Variants in PDE2A observed in about 807,000 individuals in gnomAD.
PDE2A encodes the protein cGMP-dependent 3',5'-cyclic phosphodiesterase.
In PDE2A, 53 loss-of-function variants were observed where a neutral mutation model predicts 133.6. That is an observed-to-expected ratio of 0.40 (90% confidence interval 0.32 to 0.50). PDE2A has a LOEUF of 0.50. Ranked by LOEUF, PDE2A falls within the 20% of genes least tolerant of loss-of-function variation. The pLI is 0.73. For synonymous variants in PDE2A, 491 were observed against 490.2 expected, an observed-to-expected ratio of 1.00 and a Z score of -0.02; for missense variants, 796 against 1,232.4, an observed-to-expected ratio of 0.65 and a Z score of 5.30.
chr11:72,602,757 C>T (rs1270544498), intron 4 of PDE2A, among the ~76,000 whole-genome samples: 1 of 152,194 alleles, frequency 6.6e-6, no homozygotes, highest in Non-Finnish European at 1.5e-5. Context: ...GCCAATAGAC[C>T]GGGCCTCAGG....
intron 6 of PDE2A, among the ~76,000 whole-genome samples, chr11:72,591,603 C>T (rs904727125): frequency 2.4e-4 from 37 of 152,214 alleles, no homozygotes; most frequent in African/African-American, 8.9e-4. Context: ...CAATCACTGT[C>T]TCATCAAGAG....
intron 1 of PDE2A, among the ~76,000 whole-genome samples, chr11:72,665,753 C>G (rs1454230405): frequency 6.6e-6 from 1 of 152,142 alleles, no homozygotes; most frequent in African/African-American, 2.4e-5. Context: ...TCCCACGCAG[C>G]CCTTTCCCTA....
At chr11:72,602,466 C>T (rs1856798157) in intron 4 of PDE2A, among the ~76,000 whole-genome samples, 1 of 152,192 alleles carries the variant, frequency 6.6e-6, no homozygotes, top group Non-Finnish European at 1.5e-5. Context: ...CCTCCCCACA[C>T]CCCCACCTCC....
At chr11:72,608,861 T>C (rs1314382902) in intron 2 of PDE2A, 110 bp from the exon 3 acceptor site, 1 of 655,740 alleles carries the variant, frequency 1.5e-6, no homozygotes, top group Admixed American at 2.4e-5. Flanking sequence ...AGCCCGAGTC[T>C]TTCAGGCACA....
At chr11:72,584,169 A>ACCCCCCCCCCCCCCCCCCACCCCCC in intron 19 of PDE2A, 32 bp downstream of exon 19, 1 of 877,942 alleles carries the variant, frequency 1.1e-6, no homozygotes, top group Non-Finnish European at 1.8e-6. Context: ...GCCCCCTATC[A>ACCCCCCCCCCCCCCCCCCACCCCCC]CCCCACACCC....
rs1591004081 is a variant in PDE2A, at chr11:72,577,149, A to G, written c.*235T>C. 1 of 536,258 alleles carries G rather than the reference A, an allele frequency of 1.9e-6. No homozygotes were observed. Among genetic ancestry groups the G allele is most frequent in the East Asian group, 2.9e-5 (1 of 34,044 alleles). 33.2% of individuals were successfully genotyped at this position (536,258 alleles called of 1,614,324 possible). ...AGGTGCAGAGTAGGGCCCACTGCTC[A>G]TTGGTCACCCCTGTGCTCTCAGAAA... On this transcript the variant is annotated 3_prime_UTR_variant, in exon 31 of 31. Transcript: ENST00000334456.
intron 2 of PDE2A, among the ~76,000 whole-genome samples, chr11:72,640,076 C>T (rs976785792): frequency 2.0e-5 from 3 of 152,076 alleles, no homozygotes; most frequent in African/African-American, 7.2e-5. Flanking sequence ...ACCACAGGCA[C>T]ACACAGCTCA....
intron 3 of PDE2A, 63 bp downstream of exon 3, chr11:72,608,599 C>T: frequency 1.3e-6 from 1 of 795,306 alleles, no homozygotes; most frequent in East Asian, 2.8e-5. Context: ...TGAGGTACAG[C>T]ATAGAGCTGG....
chr11:72,610,412 T>C (rs1436336961), intron 2 of PDE2A, among the ~76,000 whole-genome samples: 2 of 152,188 alleles, frequency 1.3e-5, no homozygotes, highest in Non-Finnish European at 2.9e-5. Context: ...GCCAGAAAGT[T>C]CCACGCTGGG....
At chr11:72,583,217 C>A (rs1174155574) in intron 20 of PDE2A, among the ~76,000 whole-genome samples, 1 of 152,334 alleles carries the variant, frequency 6.6e-6, no homozygotes, top group African/African-American at 2.4e-5. Flanking sequence ...ACTCCCTGGG[C>A]TGGTTCCTCT....
At chr11:72,664,199 G>A (rs183932892) in intron 1 of PDE2A, among the ~76,000 whole-genome samples, 112 of 152,060 alleles carry the variant, frequency 7.4e-4, no homozygotes, top group Admixed American at 9.8e-4. Context: ...CTCTGCCAAC[G>A]CCCCTGGCCC....
chr11:72,644,189 C>T (rs1399153850), intron 1 of PDE2A, among the ~76,000 whole-genome samples: 3 of 152,222 alleles, frequency 2.0e-5, no homozygotes, highest in East Asian at 1.9e-4. Flanking sequence ...CCTTATCCCT[C>T]TGGGTAGCCC....
intron 1 of PDE2A, among the ~76,000 whole-genome samples, chr11:72,654,038 A>G (rs1854823333): frequency 6.6e-6 from 1 of 152,212 alleles, no homozygotes; most frequent in Admixed American, 6.5e-5. Context: ...AGAGAGGCAC[A>G]TTTGTCCCCA....
At chr11:72,584,779 A>G (rs771676029) in intron 17 of PDE2A, 51 bp from the exon 18 acceptor site, 13 of 1,611,056 alleles carry the variant, frequency 8.1e-6, no homozygotes, top group South Asian at 3.3e-5. Context: ...ACCCGGCCAC[A>G]GAGGGGACTG....
chr11:72,646,324 G>A (rs1005556672), intron 1 of PDE2A, among the ~76,000 whole-genome samples: 1 of 152,200 alleles, frequency 6.6e-6, no homozygotes, highest in African/African-American at 2.4e-5. Context: ...CTCATTGGTA[G>A]GGCCTTGTGC....
At chr11:72,603,446 C>T (rs1856841912) in intron 4 of PDE2A, among the ~76,000 whole-genome samples, 1 of 152,178 alleles carries the variant, frequency 6.6e-6, no homozygotes, top group Admixed American at 6.5e-5. Flanking sequence ...CTGAGGGGAG[C>T]ATGTGTGGGT....
rs1859068557 is a variant in PDE2A at position 72,644,343 on chromosome 11, T to G, written c.72-2017A>C. 3.9e-5 allele frequency among the ~76,000 whole-genome samples: 6 copies of G among 152,382 alleles called. No individual in the cohort carries two copies. In the South Asian group the frequency reaches 1.0e-3, roughly 26 times the overall value. ...TATTAACACTGTAGAAAAAATTACC[T>G]GGGCTAAGATGTGTAAAGGTTCTGG... On this transcript the variant is annotated intron_variant, in intron 1 of 30. Transcript: ENST00000334456.
intron 4 of PDE2A, among the ~76,000 whole-genome samples, chr11:72,602,824 C>A (rs748835041): frequency 1.3e-5 from 2 of 152,196 alleles, no homozygotes; most frequent in African/African-American, 2.4e-5. Flanking sequence ...TGTCTGAATC[C>A]CATTCCAGTG....
chr11:72,613,236 A>G (rs1488839855), intron 2 of PDE2A, among the ~76,000 whole-genome samples: 3 of 151,834 alleles, frequency 2.0e-5, no homozygotes, highest in Admixed American at 2.0e-4. Context: ...TGCCCCTCAC[A>G]CTGGCCTACA....
Sources: allele counts gnomAD v4.1 joint callset (sites outside exome capture counted in the v4.1 genomes callset), GRCh38; gene constraint gnomAD v4.1.1; transcripts MANE v1.5; gene names NCBI Gene and HGNC (gene_info 2026-07-23, HGNC 2026-07-21).